The following TCEA1 variants were observed in gnomAD, a reference collection of about 807,000 sequenced individuals.
TCEA1 encodes transcription elongation factor A protein 1.
TCEA1 carries 21 observed loss-of-function variants against 43.8 expected under a neutral mutation model. The observed-to-expected ratio is 0.48, with a 90% confidence interval of 0.34 to 0.69. The LOEUF (loss-of-function observed/expected upper bound fraction) is 0.69. TCEA1 is among the 30% of genes least tolerant of loss of function. The pLI is 0.01. For missense variants in TCEA1, 250 were observed against 365.1 expected (o/e 0.68, Z 2.57); for synonymous variants, 104 against 117.5 (o/e 0.88, Z 0.75).
chr8:53,991,077 G>A (rs1027283509), intron 4 of TCEA1, among the ~76,000 whole-genome samples: 1 of 152,072 alleles, frequency 6.6e-6, no homozygotes, highest in African/African-American at 2.4e-5. Flanking sequence ...ATACCTACAC[G>A]TCAAGCACGT....
chr8:53,973,175 G>A, intron 8 of TCEA1: 1 of 525,012 alleles, frequency 1.9e-6, no homozygotes, highest in Non-Finnish European at 3.6e-6. Context: ...AAGTCAGAAG[G>A]ACGATGAAGA....
chr8:53,988,365 C>A, intron 4 of TCEA1, 106 bp from the exon 5 acceptor site: 1 of 1,353,070 alleles, frequency 7.4e-7, no homozygotes. Flanking sequence ...AAATAAATGA[C>A]ACAGTATCTC....
At chr8:53,999,072 C>CA in intron 3 of TCEA1, among the ~76,000 whole-genome samples, 1 of 151,636 alleles carries the variant, frequency 6.6e-6, no homozygotes, top group East Asian at 1.9e-4. Flanking sequence ...ACTAAAAATA[C>CA]AAAAAATTAG....
In TCEA1 at chr8:53,988,274, A is replaced by G. The variant is rs375706901; in HGVS notation, c.321-15T>C. 2 of 1,607,324 alleles carry G rather than the reference A, an allele frequency of 1.2e-6. No individual in the cohort carries two copies. The highest frequency in any genetic ancestry group is 8.5e-7 in the Non-Finnish European group (1 of 1,176,026). On this transcript the variant is annotated splice_polypyrimidine_tract_variant and intron_variant, in intron 4 of 9. Transcript: ENST00000521604. ...CGCTGGAAGTACTGAAATACGCACA[A>G]ACACCCCAAAAAGAAATCAAGAACA...
intron 2 of TCEA1, among the ~76,000 whole-genome samples, chr8:54,001,116 A>T (rs1202464333): frequency 1.3e-5 from 2 of 152,208 alleles, no homozygotes; most frequent in Non-Finnish European, 2.9e-5. Flanking sequence ...TTTGTAGCAC[A>T]TTAATGGTTT....
At position 53,980,102 on chromosome 8, in the gene TCEA1, G is replaced by C. The variant is rs1289503155; in HGVS notation, c.679-931C>G. Among the ~76,000 whole-genome samples, 7 of 152,212 alleles carry C rather than the reference G, an allele frequency of 4.6e-5. No homozygotes were observed. In the South Asian group the frequency reaches 8.3e-4, roughly 18 times the overall value. On this transcript the variant is annotated intron_variant, in intron 7 of 9. Transcript: ENST00000521604. ...GTGAATTGGTTTTGTCTGTGTAGTG[G>C]GCGGGAAGAAGCTGTCAGGTGATTA...
At chr8:53,973,583 A>C (rs534440068) in intron 8 of TCEA1, 6 of 558,082 alleles carry the variant, frequency 1.1e-5, no homozygotes, top group Admixed American at 4.5e-5. Context: ...GGCTTTCCTT[A>C]CTGGATGAGG....
At chr8:53,981,350 C>A (rs1472070831) in intron 7 of TCEA1, among the ~76,000 whole-genome samples, 1 of 152,174 alleles carries the variant, frequency 6.6e-6, no homozygotes, top group African/African-American at 2.4e-5. Context: ...CGCCTGCCTT[C>A]AAAGCCTCAA....
Position 54,022,301 on chromosome 8 carries a change from GCTC to G in TCEA1, c.-179_-177del. On this transcript the variant is annotated 5_prime_UTR_variant, in exon 1 of 10. Transcript: ENST00000521604. ...CGCGGCGGCGGCGGCGGCGGCGGCG[GCTC>G]CGGCTCCTCCTCCCCAGGCAGCGAC... 1.4e-6 allele frequency: 1 copy of G among 733,122 alleles called. No individual in the cohort carries two copies. The highest frequency in any genetic ancestry group is 1.6e-5 in the South Asian group (1 of 62,564). 45.4% of individuals were successfully genotyped at this position (733,122 alleles called of 1,614,324 possible).
chr8:53,993,491 T>C, intron 4 of TCEA1, 177 bp downstream of exon 4: 1 of 494,248 alleles, frequency 2.0e-6, no homozygotes, highest in Non-Finnish European at 3.5e-6. Context: ...ACCTCTCAAA[T>C]GTTCAAGAAA....
At position 54,002,113 on chromosome 8, in the gene TCEA1, G is replaced by A. The variant is rs968700021; in HGVS notation, c.127-2063C>T. Among the ~76,000 whole-genome samples, 12 of 151,668 alleles carry A rather than the reference G, an allele frequency of 7.9e-5. No individual in the cohort carries two copies. In the East Asian group the frequency reaches 2.1e-3, roughly 27 times the overall value. On this transcript the variant is annotated intron_variant, in intron 2 of 9. Transcript: ENST00000521604. ...GAACCCAGAAGGCAGAAGTTGCAGC[G>A]AGCCACGATCACACCACTGCGCTCC... is the stretch of plus-strand genomic sequence containing the variant.
At chr8:54,001,283 GA>G (rs568629792) in intron 2 of TCEA1, among the ~76,000 whole-genome samples, 15 of 151,908 alleles carry the variant, frequency 9.9e-5, no homozygotes, top group Admixed American at 3.9e-4. Context: ...TCTTAGTGGT[GA>G]AAAAAAAGAG....
At chr8:54,018,961 G>A (rs1319573082) in intron 1 of TCEA1, among the ~76,000 whole-genome samples, 1 of 152,132 alleles carries the variant, frequency 6.6e-6, no homozygotes, top group East Asian at 1.9e-4. Flanking sequence ...ATCTTCACTT[G>A]GCCATTCACT....
chr8:53,994,726 C>G (rs531068814), intron 3 of TCEA1, among the ~76,000 whole-genome samples: 1 of 151,926 alleles, frequency 6.6e-6, no homozygotes, highest in Admixed American at 6.6e-5. Flanking sequence ...AAAAAATTAG[C>G]CGGGCGTGGT....
chr8:54,015,243 C>T (rs1038763470), intron 1 of TCEA1, among the ~76,000 whole-genome samples: 5 of 151,122 alleles, frequency 3.3e-5, no homozygotes, highest in African/African-American at 1.2e-4. Context: ...GATCTCAGTT[C>T]GCTGCAACCT....
intron 1 of TCEA1, among the ~76,000 whole-genome samples, chr8:54,011,948 A>ATAAATTAAAATTAAATTAAATAAT (rs1804666770): frequency 6.6e-6 from 1 of 152,240 alleles, no homozygotes; most frequent in African/African-American, 2.4e-5. Context: ...TGCTGTTTAA[A>ATAAATTAAAATTAAATTAAATAAT]GATCTCTCCT....
chr8:54,022,303 T>C lies in TCEA1; in HGVS notation c.-178A>G, dbSNP rs373830721. On this transcript the variant is annotated 5_prime_UTR_variant, in exon 1 of 10. Transcript: ENST00000521604. ...CGGCGGCGGCGGCGGCGGCGGCGGCTCCGGCTCCTCCTCCCCAGGCAGCGA... is the reference window on the plus strand; with the variant it reads ...CGGCGGCGGCGGCGGCGGCGGCGGCCCCGGCTCCTCCTCCCCAGGCAGCGA... 2 of 651,162 alleles carry C rather than the reference T, an allele frequency of 3.1e-6. No homozygotes were observed. The highest frequency in any genetic ancestry group is 5.1e-6 in the Non-Finnish European group (2 of 389,440). The allele number at this position is 651,162 out of a possible 1,614,324, so 40.3% of individuals were successfully genotyped here. A position where few individuals can be genotyped will look rare whatever the true frequency, so the allele number is the denominator to read the frequency against.
At chr8:54,021,451 C>T (rs188252544) in intron 1 of TCEA1, 2 of 152,344 alleles carry the variant, frequency 1.3e-5, no homozygotes, top group East Asian at 3.9e-4. Context: ...CCTAACTCTT[C>T]TGTACATTAC....
intron 4 of TCEA1, among the ~76,000 whole-genome samples, chr8:53,989,546 C>G (rs1451224855): frequency 6.6e-6 from 1 of 152,184 alleles, no homozygotes; most frequent in Non-Finnish European, 1.5e-5. Context: ...CTTTTTGAAG[C>G]CTTCACTGAT....
Sources: gnomAD v4.1 joint callset for allele counts (sites outside exome capture counted in the v4.1 genomes callset) on GRCh38, gnomAD v4.1.1 for gene constraint, MANE v1.5 for transcripts, NCBI Gene and HGNC (gene_info 2026-07-23, HGNC 2026-07-21) for gene names.